LCT: variants seen among roughly 807,000 people sequenced by gnomAD.
LCT encodes the protein lactase/phlorizin hydrolase.
Under a neutral mutation model 173.0 loss-of-function variants are expected in LCT, and 90 were observed. The observed-to-expected ratio is 0.52, with a 90% confidence interval of 0.44 to 0.62. The LOEUF is 0.62. LCT is among the 20% of genes least tolerant of loss of function. LCT has a pLI of 0.00. For missense variants in LCT, 1,864 were observed against 2,431.4 expected (o/e 0.77, Z 4.91); for synonymous variants, 853 against 957.6 (o/e 0.89, Z 2.02).
At chr2:135,830,921 G>T (rs1231096564) in intron 2 of LCT, among the ~76,000 whole-genome samples, 1 of 152,218 alleles carries the variant, frequency 6.6e-6, no homozygotes, top group Non-Finnish European at 1.5e-5. Flanking sequence ...AATAGGGAGG[G>T]TTAGCAAATG....
chr2:135,803,183 G>C (rs1298913768), intron 11 of LCT, among the ~76,000 whole-genome samples: 1 of 152,134 alleles, frequency 6.6e-6, no homozygotes, highest in Non-Finnish European at 1.5e-5. Context: ...AGCTAGAAAA[G>C]AGGACTCCGA....
At chr2:135,794,539 G>T in intron 14 of LCT, 102 bp downstream of exon 14, 2 of 1,247,000 alleles carry the variant, frequency 1.6e-6, no homozygotes, top group Admixed American at 1.7e-5. Flanking sequence ...ATTCGGCGTT[G>T]GAGGCCCTGT....
intron 3 of LCT, among the ~76,000 whole-genome samples, chr2:135,827,320 CA>C (rs2077896659): frequency 6.6e-6 from 1 of 152,132 alleles, no homozygotes; most frequent in South Asian, 2.1e-4. Context: ...AGCCCTAGTT[CA>C]AATCCCAACC....
chr2:135,835,482 G>GTA lies in LCT; in HGVS notation c.640+1046_640+1047dup, dbSNP rs55900419. On this transcript the variant is annotated intron_variant, in intron 1 of 16. Coordinates refer to ENST00000264162, the MANE Select transcript of LCT (RefSeq NM_002299.4). ...TAAAATGAAAAAGTAGAACATAGAA[G>GTA]TATATATATATATATATATATATAT... 5.7e-3 allele frequency among the ~76,000 whole-genome samples: 381 copies of GTA among 67,406 alleles called. 5 individuals carry two copies. Among genetic ancestry groups the GTA allele is most frequent in the South Asian group, 8.4e-3 (18 of 2,150 alleles). 44.2% of individuals were successfully genotyped at this position (67,406 alleles called of 152,430 possible).
intron 9 of LCT, among the ~76,000 whole-genome samples, chr2:135,805,732 T>C (rs534982139): frequency 6.6e-6 from 1 of 152,306 alleles, no homozygotes; most frequent in South Asian, 2.1e-4. Context: ...ACCTGATATA[T>C]GATGGTGGTC....
Position 135,788,529 on chromosome 2 carries a change from A to G in LCT, c.5579T>C (p.Ile1860Thr), listed in dbSNP as rs960568821. 6.2e-7 allele frequency: 1 copy of G among 1,610,412 alleles called. No homozygotes were observed. Among genetic ancestry groups the G allele is most frequent in the African/African-American group, 1.3e-5 (1 of 74,848 alleles). ...CLHQPDAGPT[I>T]SPVRQEEVQF... The stretch of plus-strand genomic sequence containing the variant: ...CACCTCCTCCTGTCTCACGGGGCTG[A>G]TGGTGGGTCCAGCATCTAGGAGAGT... Residue 1860 changes from isoleucine (I) to threonine (T), a missense_variant, in exon 17 of 17, where the codon ATC becomes ACC. Physicochemically the swap from Ile to Thr is moderately conservative, Grantham distance 89. Transcript: ENST00000264162.
At chr2:135,814,972 G>A (rs1010595780) in intron 6 of LCT, among the ~76,000 whole-genome samples, 8 of 152,104 alleles carry the variant, frequency 5.3e-5, no homozygotes, top group Non-Finnish European at 8.8e-5. Context: ...GGTCGTGAGG[G>A]TGGGACTCTC....
intron 12 of LCT, 117 bp downstream of exon 12, chr2:135,800,490 G>T (rs2077616464): frequency 1.1e-6 from 1 of 880,022 alleles, no homozygotes; most frequent in South Asian, 1.4e-5. Flanking sequence ...CTTCCAAAGT[G>T]CTGGGATTAT....
At chr2:135,820,228 A>G (rs1051536279) in intron 5 of LCT, 1 of 152,230 alleles carries the variant, frequency 6.6e-6, no homozygotes, top group Non-Finnish European at 1.5e-5. Context: ...TGTCCGTTTA[A>G]TGTAAGCCTG....
chr2:135,805,368 C>T (rs907417286), intron 9 of LCT, among the ~76,000 whole-genome samples: 2 of 152,104 alleles, frequency 1.3e-5, no homozygotes, highest in East Asian at 1.9e-4. Flanking sequence ...TGCTCAGTCT[C>T]GGAACTCCCC....
chr2:135,817,244 T>C, intron 6 of LCT, 97 bp downstream of exon 6: 1 of 1,412,938 alleles, frequency 7.1e-7, no homozygotes, highest in Non-Finnish European at 9.6e-7. Context: ...GAACAAAAAG[T>C]AAAGGCTTGC....
chr2:135,808,174 T>C (rs974214198), intron 8 of LCT, among the ~76,000 whole-genome samples: 3 of 152,108 alleles, frequency 2.0e-5, no homozygotes, highest in Admixed American at 2.0e-4. Context: ...TGCTCAGTAA[T>C]GAATGAATGG....
chr2:135,794,508 G>A (rs1412507568), intron 14 of LCT, 133 bp downstream of exon 14: 2 of 935,984 alleles, frequency 2.1e-6, no homozygotes, highest in East Asian at 5.0e-5. Flanking sequence ...GGGGTGGCGA[G>A]CATCTTGCAA....
chr2:135,829,624 G>T lies in LCT; in HGVS notation c.773C>A (p.Ala258Glu), dbSNP rs2077916584. The change falls in exon 3 of 17, where the codon GCA becomes GAA. Residue 258 changes from alanine to glutamate, a missense_variant. Coordinates refer to ENST00000264162, the MANE Select transcript of LCT (RefSeq NM_002299.4). ...LDLSYECQNE[A>E]SLRQKLSKLQ... ...TTTACTCAGCTTCTGCCGCAGACTT[G>T]CCTCATTTTGGCATTCATAAGACAA... The T allele has an allele frequency of 1.2e-6, 2 of 1,613,764 alleles. No individual in the cohort carries two copies. The highest frequency in any genetic ancestry group is 1.7e-6 in the Non-Finnish European group (2 of 1,179,828).
Position 135,808,561 on chromosome 2 carries a change from T to G in LCT, c.3786A>C (p.Glu1262Asp). 1.2e-6 allele frequency: 2 copies of G among 1,614,242 alleles called. No homozygotes were observed. The highest frequency in any genetic ancestry group is 1.7e-6 in the Non-Finnish European group (2 of 1,180,048). ...GTRRLLNWIK[E>D]EYGDIPIYIT... ...TGTAAATGGGGATGTCACCATACTC[T>G]TCCTTGATCCAGTTCAGCAGCCTTC... Residue 1262 changes from glutamate to aspartate, a missense_variant, in exon 8 of 17, where the codon GAA (glutamate) becomes GAC (aspartate). This residue lies in a region of LCT where 755 missense variants were observed against 926.3 expected (regional missense o/e 0.82). Transcript: ENST00000264162.
rs182769622 is a variant in LCT at position 135,796,525 on chromosome 2, A to G, written c.4976+1504T>C. ...TCTTACCTCTAGGCCTGTCTTCACA[A>G]CTCTGCCCCGTGGAAAGAATGACCT... On this transcript the variant is annotated intron_variant, in intron 13 of 16. Transcript: ENST00000264162. 6.6e-5 allele frequency among the ~76,000 whole-genome samples: 10 copies of G among 152,050 alleles called. No individual in the cohort carries two copies. The East Asian group carries it at 1.7e-3, about 27-fold the overall frequency.
rs765444568 is a variant in LCT, at chr2:135,809,966, C to A, written c.2381G>T (p.Arg794Leu). The change falls in exon 8 of 17, where the codon CGT (arginine) becomes CTT (leucine). Residue 794 changes from arginine to leucine, a missense_variant. By Grantham distance (102) the Arg-to-Leu change is moderately radical (BLOSUM62 -2). Transcript: ENST00000264162. The surrounding 1 kb of genome is among the most constrained non-coding windows in gnomAD (Gnocchi z 5.5). ...AATGAGGGAACGAGCAATGTAGGAA[C>A]GAACATCCACAGAGTCTTCCTTGAT... ...KAIKEDSVDV[R>L]SYIARSLIDG... The A allele has an allele frequency of 1.2e-6, 2 of 1,612,762 alleles. No individual in the cohort carries two copies. Among genetic ancestry groups the A allele is most frequent in the Admixed American group, 3.3e-5 (2 of 60,000 alleles).
intron 6 of LCT, among the ~76,000 whole-genome samples, chr2:135,814,537 A>G (rs557921692): frequency 5.4e-4 from 79 of 146,240 alleles, no homozygotes; most frequent in Admixed American, 1.0e-3. Context: ...TTTTTTTTTG[A>G]GATGGAGTCT....
In LCT at chr2:135,817,777, G is replaced by A. The variant is rs868499747; in HGVS notation, c.1271C>T (p.Ala424Val). 1.9e-6 allele frequency: 3 copies of A among 1,613,890 alleles called. No individual in the cohort carries two copies. The highest frequency in any genetic ancestry group is 8.5e-7 in the Non-Finnish European group (1 of 1,179,964). Reference protein sequence around the residue: ...RRPLNTTEGQATLEVASDSYH... With the variant: ...RRPLNTTEGQVTLEVASDSYH... ...ACTGTCGCTGGCCACCTCCAGCGTCGCTTGGCCCTCAGTGGTGTTCAGGGG... is the reference window on the plus strand; with the variant it reads ...ACTGTCGCTGGCCACCTCCAGCGTCACTTGGCCCTCAGTGGTGTTCAGGGG... The change falls in exon 6 of 17, where the codon GCG becomes GTG. Residue 424 changes from alanine to valine, a missense_variant. Physicochemically the swap from Ala to Val is moderately conservative, Grantham distance 64. Transcript: ENST00000264162.
Sources: gnomAD v4.1 joint callset for allele counts (sites outside exome capture counted in the v4.1 genomes callset) on GRCh38, gnomAD v4.1.1 for gene constraint, gnomAD v4.1.1 regional missense constraint, Gnocchi (gnomAD v3.1) non-coding constraint, MANE v1.5 for transcripts, NCBI Gene and HGNC (gene_info 2026-07-23, HGNC 2026-07-21) for gene names.